Variants in ZNF385D observed in about 807,000 individuals in gnomAD.
ZNF385D encodes the protein zinc finger protein 385D, also known as zinc finger protein 659.
ZNF385D carries 15 observed loss-of-function variants against 35.8 expected under a neutral mutation model. The observed-to-expected ratio is 0.42, with a 90% CI of 0.28 to 0.64. ZNF385D has a LOEUF of 0.64. ZNF385D is among the 30% of genes least tolerant of loss of function. ZNF385D has a pLI of 0.23. For synonymous variants in ZNF385D, 212 were observed against 186.8 expected, an observed-to-expected ratio of 1.13 and a Z score of -1.10; for missense variants, 474 against 494.6, an observed-to-expected ratio of 0.96 and a Z score of 0.39.
At chr3:21,778,562 G>A (rs993667539) in intron 3 of ZNF385D, among the ~76,000 whole-genome samples, 2 of 151,786 alleles carry the variant, frequency 1.3e-5, no homozygotes, top group South Asian at 2.1e-4. Flanking sequence ...CATGGTTCGC[G>A]AAAAACAAAA....
chr3:22,254,981 A>T (rs971305088), intron 2 of ZNF385D, among the ~76,000 whole-genome samples: 1 of 151,874 alleles, frequency 6.6e-6, no homozygotes, highest in Non-Finnish European at 1.5e-5. Flanking sequence ...CAGGAGGATG[A>T]AGCAGGATGG....
intron 2 of ZNF385D, among the ~76,000 whole-genome samples, chr3:22,314,239 A>G (rs2125433870): frequency 6.6e-6 from 1 of 152,218 alleles, no homozygotes; most frequent in East Asian, 1.9e-4. Flanking sequence ...GATATACTGA[A>G]CCCAATTTGT....
chr3:22,316,690 T>A (rs1233816121), intron 2 of ZNF385D, among the ~76,000 whole-genome samples: 1 of 152,216 alleles, frequency 6.6e-6, no homozygotes, highest in African/African-American at 2.4e-5. Flanking sequence ...GGATTAATAA[T>A]AGTATTTACC....
chr3:22,273,874 A>C (rs896436489), intron 2 of ZNF385D, among the ~76,000 whole-genome samples: 1 of 151,950 alleles, frequency 6.6e-6, no homozygotes, highest in Non-Finnish European at 1.5e-5. Flanking sequence ...GAAAGGCAAA[A>C]AGGTGTGCTA....
At chr3:21,453,407 AC>A (rs1416234585) in intron 4 of ZNF385D, among the ~76,000 whole-genome samples, 5 of 152,016 alleles carry the variant, frequency 3.3e-5, no homozygotes, top group Admixed American at 6.6e-5. Flanking sequence ...GTGTAAAAAA[AC>A]ACTACCAAAA....
chr3:21,785,526 AG>A (rs2125646057), intron 3 of ZNF385D, among the ~76,000 whole-genome samples: 1 of 152,324 alleles, frequency 6.6e-6, no homozygotes, highest in East Asian at 1.9e-4. Context: ...GAATAGCTAA[AG>A]CTTTGTACCC....
Position 21,772,827 on chromosome 3 carries a change from C to T in ZNF385D, c.326-107799G>A, listed in dbSNP as rs151048950. On this transcript the variant is annotated intron_variant, in intron 3 of 5. Transcript: ENST00000494108. ...ACCCAAGTGTCCACTGACAGATGACCGGATAACCAAAATGTAGCATACATA... is the reference window on the plus strand; with the variant it reads ...ACCCAAGTGTCCACTGACAGATGACTGGATAACCAAAATGTAGCATACATA... 6.3e-4 allele frequency among the ~76,000 whole-genome samples: 96 copies of T among 151,966 alleles called. 1 individual carries two copies. The highest frequency in any genetic ancestry group is 2.3e-3 in the African/African-American group (94 of 41,504).
intron 3 of ZNF385D, among the ~76,000 whole-genome samples, chr3:22,117,074 A>C (rs1009099734): frequency 6.6e-6 from 1 of 152,038 alleles, no homozygotes; most frequent in South Asian, 2.1e-4. Flanking sequence ...ACTGACCCCA[A>C]ATTCAGGCTT....
At chr3:22,017,579 C>T (rs1002244450) in intron 3 of ZNF385D, among the ~76,000 whole-genome samples, 1 of 151,558 alleles carries the variant, frequency 6.6e-6, no homozygotes, top group African/African-American at 2.4e-5. Flanking sequence ...TGCTTCCTTC[C>T]TTATTCTCTT....
chr3:22,117,336 T>C lies in ZNF385D; in HGVS notation c.325+51481A>G, dbSNP rs1292126296. 3.9e-5 allele frequency among the ~76,000 whole-genome samples: 6 copies of C among 152,124 alleles called. No homozygotes were observed. The South Asian group carries it at 1.0e-3, about 26-fold the overall frequency. On this transcript the variant is annotated intron_variant, in intron 3 of 5. Transcript: ENST00000494108. ...CTTCCAAGATAAGCAGGTTGCAAAA[T>C]GGGTTCTCTGAAACTGAATGAGTAA... is the stretch of plus-strand genomic sequence containing the variant.
At chr3:21,669,724 A>G (rs974926281) in intron 1 of ZNF385D, among the ~76,000 whole-genome samples, 1 of 152,208 alleles carries the variant, frequency 6.6e-6, no homozygotes, top group Non-Finnish European at 1.5e-5. Context: ...CATGAGAAAT[A>G]TATTTTTTAA....
intron 3 of ZNF385D, among the ~76,000 whole-genome samples, chr3:22,096,112 A>T (rs2125613253): frequency 6.8e-6 from 1 of 147,960 alleles, no homozygotes; most frequent in Non-Finnish European, 1.5e-5. Flanking sequence ...CGGAATGTTC[A>T]TATAAGGTAA....
At position 21,868,176 on chromosome 3, in the gene ZNF385D, C is replaced by T. The variant is rs143662979; in HGVS notation, c.326-203148G>A. Among the ~76,000 whole-genome samples, 268 of 152,188 alleles carry T rather than the reference C, an allele frequency of 1.8e-3. 5 individuals are homozygous for T. The highest frequency in any genetic ancestry group is 6.2e-3 in the African/African-American group (259 of 41,558). ...GTAGAGTCAGAGAGTATTTTAAGCT[C>T]GTGCACGATGCAGTCTCTGTTGCAA... On this transcript the variant is annotated intron_variant, in intron 3 of 5. Coordinates refer to the ZNF385D transcript ENST00000494108.
intron 2 of ZNF385D, among the ~76,000 whole-genome samples, chr3:21,615,502 A>T (rs151076904): frequency 6.6e-6 from 1 of 152,168 alleles, no homozygotes; most frequent in Non-Finnish European, 1.5e-5. Flanking sequence ...AGTATGCTCC[A>T]TATCAAAATG....
intron 3 of ZNF385D, among the ~76,000 whole-genome samples, chr3:21,907,875 A>G (rs1183521441): frequency 3.3e-5 from 5 of 152,010 alleles, no homozygotes. Context: ...GTGGAGACTG[A>G]GGGAAGCCAA....
At chr3:22,215,422 G>A (rs1260900811) in intron 2 of ZNF385D, among the ~76,000 whole-genome samples, 1 of 151,964 alleles carries the variant, frequency 6.6e-6, no homozygotes, top group African/African-American at 2.4e-5. Context: ...ATGCATCCCT[G>A]AAGGTAGGCC....
chr3:22,169,906 C>A (rs775327931), intron 2 of ZNF385D, among the ~76,000 whole-genome samples: 3 of 152,160 alleles, frequency 2.0e-5, no homozygotes, highest in Admixed American at 6.5e-5. Context: ...GCAGTCCCCC[C>A]ACTTTAGCCT....
chr3:21,672,219 A>C (rs2066597080), intron 1 of ZNF385D, among the ~76,000 whole-genome samples: 1 of 152,086 alleles, frequency 6.6e-6, no homozygotes, highest in African/African-American at 2.4e-5. Context: ...ATTTAGTATG[A>C]TTTGGTAACC....
chr3:21,627,246 GGTGTGTGTGTGTGTGT>G lies in ZNF385D; in HGVS notation c.165+37624_165+37639del, dbSNP rs55918045. On this transcript the variant is annotated intron_variant, in intron 2 of 7. Coordinates refer to ENST00000281523, the MANE Select transcript of ZNF385D (RefSeq NM_024697.3). ...CTTATGCTGGTTCAAAGAGGTGTAGGGTGTGTGTGTGTGTGTGTGTGTGTGTGTGTGTGTGTGTGTG... is the reference window on the plus strand; with the variant it reads ...CTTATGCTGGTTCAAAGAGGTGTAGGGTGTGTGTGTGTGTGTGTGTGTGTG... Among the ~76,000 whole-genome samples the G allele has an allele frequency of 2.6e-4, 36 of 139,500 alleles. No homozygotes were observed. The South Asian group carries it at 7.2e-3, about 28-fold the overall frequency. 91.5% of individuals were successfully genotyped at this position (139,500 alleles called of 152,430 possible).
Sources: allele counts gnomAD v4.1 joint callset (sites outside exome capture counted in the v4.1 genomes callset), GRCh38; gene constraint gnomAD v4.1.1; transcripts MANE v1.5; gene names NCBI Gene and HGNC (gene_info 2026-07-23, HGNC 2026-07-21).